CR1L: variants seen among roughly 807,000 people sequenced by gnomAD.
CR1L encodes the protein complement C3b/C4b receptor 1 like, also known as complement component receptor 1-like protein.
CR1L carries 59 observed loss-of-function variants against 62.3 expected under a neutral mutation model. The ratio of observed to expected loss-of-function variants is 0.95; its 90% confidence interval spans 0.77 to 1.18. CR1L has a LOEUF of 1.18. CR1L is among the 50% of genes most tolerant of loss of function. The probability of loss-of-function intolerance (pLI) is 0.00; values close to 1 mark genes in which losing one functional copy is unlikely to be tolerated. For missense variants in CR1L, 700 were observed against 702.8 expected, an observed-to-expected ratio of 1.00 and a Z score of 0.04; for synonymous variants, 279 against 248.7, an observed-to-expected ratio of 1.12 and a Z score of -1.15.
At chr1:207,718,603 A>T (rs921011061) in intron 11 of CR1L, among the ~76,000 whole-genome samples, 13 of 152,068 alleles carry the variant, frequency 8.5e-5, no homozygotes, top group African/African-American at 3.1e-4. Flanking sequence ...TGTATTTTTT[A>T]GTAGAGACAG....
At chr1:207,647,238 G>T (rs1013666929) in intron 1 of CR1L, among the ~76,000 whole-genome samples, 2 of 152,124 alleles carry the variant, frequency 1.3e-5, no homozygotes, top group African/African-American at 4.8e-5. Flanking sequence ...CAAATGACTG[G>T]GGGGAGGGAA....
intron 9 of CR1L, among the ~76,000 whole-genome samples, chr1:207,704,256 G>C (rs1664236310): frequency 6.6e-6 from 1 of 152,188 alleles, no homozygotes; most frequent in African/African-American, 2.4e-5. Flanking sequence ...ACAATTAGAA[G>C]CAGAGCCTAA....
intron 8 of CR1L, among the ~76,000 whole-genome samples, chr1:207,700,707 A>G (rs1259926515): frequency 6.6e-6 from 1 of 151,614 alleles, no homozygotes; most frequent in Non-Finnish European, 1.5e-5. Context: ...TCACCTATTT[A>G]AGATGATTAG....
intron 3 of CR1L, among the ~76,000 whole-genome samples, chr1:207,682,010 AG>A (rs1324958561): frequency 1.5e-5 from 2 of 132,722 alleles, no homozygotes; most frequent in African/African-American, 2.8e-5. Flanking sequence ...GTGGGGGGCT[AG>A]GGGCGGGATA....
chr1:207,668,174 C>G (rs913876961), intron 1 of CR1L, among the ~76,000 whole-genome samples: 1 of 150,934 alleles, frequency 6.6e-6, no homozygotes, highest in African/African-American at 2.5e-5. Flanking sequence ...TGGGTATATA[C>G]CCAAAAGAAA....
chr1:207,697,480 G>C, intron 5 of CR1L, 23 bp from the exon 6 acceptor site: 4 of 1,613,666 alleles, frequency 2.5e-6, no homozygotes, highest in Non-Finnish European at 3.4e-6. Context: ...ACAATTAGCA[G>C]TACTTTGTTT....
Position 207,657,097 on chromosome 1 carries a change from C to A in CR1L, c.97+11767C>A, listed in dbSNP as rs574018758. 4 of 657,624 alleles carry A rather than the reference C, an allele frequency of 6.1e-6. No individual in the cohort carries two copies. The East Asian group carries it at 8.0e-5, about 13-fold the overall frequency. The allele number at this position is 657,624 out of a possible 1,614,324, so 40.7% of individuals were successfully genotyped here. On this transcript the variant is annotated intron_variant, in intron 1 of 11. Transcript: ENST00000508064. ...AATGCTGCCTTAATCTTTTACATTTCTTTCCTCTTTTTCTTCAATTTTAAG... is the reference window on the plus strand; with the variant it reads ...AATGCTGCCTTAATCTTTTACATTTATTTCCTCTTTTTCTTCAATTTTAAG...
chr1:207,648,688 T>A (rs762699281), intron 1 of CR1L, among the ~76,000 whole-genome samples: 7 of 152,208 alleles, frequency 4.6e-5, no homozygotes, highest in Non-Finnish European at 1.0e-4. Context: ...CTCTTCTGCC[T>A]ATTTCAGGTG....
At chr1:207,704,066 GA>G (rs1200132007) in intron 9 of CR1L, among the ~76,000 whole-genome samples, 2 of 152,224 alleles carry the variant, frequency 1.3e-5, no homozygotes. Flanking sequence ...AAAACTGCAG[GA>G]AAGAATTAAT....
chr1:207,705,200 C>T (rs899974998), intron 9 of CR1L, among the ~76,000 whole-genome samples: 4 of 152,314 alleles, frequency 2.6e-5, no homozygotes, highest in Middle Eastern at 3.4e-3. Context: ...AAAGTTTTCT[C>T]TTTTTATAAG....
At chr1:207,689,074 G>A (rs543690461) in intron 4 of CR1L, among the ~76,000 whole-genome samples, 20 of 152,112 alleles carry the variant, frequency 1.3e-4, no homozygotes, top group African/African-American at 4.8e-4. Context: ...GATGATACAA[G>A]CCTTTTAATG....
chr1:207,664,351 T>C (rs374116580), intron 1 of CR1L, among the ~76,000 whole-genome samples: 1 of 152,214 alleles, frequency 6.6e-6, no homozygotes, highest in Non-Finnish European at 1.5e-5. Flanking sequence ...TGTTTATATA[T>C]TTCCTATCTC....
At chr1:207,687,919 A>G (rs1663937391) in intron 4 of CR1L, among the ~76,000 whole-genome samples, 1 of 152,078 alleles carries the variant, frequency 6.6e-6, no homozygotes, top group Non-Finnish European at 1.5e-5. Context: ...AGTAAGTTCT[A>G]CATTTTAATA....
intron 1 of CR1L, among the ~76,000 whole-genome samples, chr1:207,677,140 G>A (rs142146162): frequency 6.6e-6 from 1 of 151,818 alleles, no homozygotes; most frequent in Non-Finnish European, 1.5e-5. Context: ...TGGCCAACAC[G>A]GTGAAACCTT....
At chr1:207,692,484 G>C (rs1357518677) in intron 4 of CR1L, among the ~76,000 whole-genome samples, 4 of 152,150 alleles carry the variant, frequency 2.6e-5, no homozygotes, top group Admixed American at 6.5e-5. Flanking sequence ...CTCTCCATGG[G>C]ACAGCTAGAT....
Position 207,694,666 on chromosome 1 carries a change from G to A in CR1L, c.777G>A (p.Gln259=), listed in dbSNP as rs1664046488. ...SLNEVVEFRC[Q]PGFGMKGPSH... ...ATGAAGTTGTGGAGTTTAGGTGTCA[G>A]CCTGGCTTTGGCATGAAAGGGCCCT... The change falls in exon 5 of 12, where the codon CAG becomes CAA. Residue 259 remains glutamine (Q), a synonymous_variant. Coordinates refer to ENST00000508064, the MANE Select transcript of CR1L (RefSeq NM_175710.2). The A allele has an allele frequency of 6.2e-7, 1 of 1,611,874 alleles. No homozygotes were observed. Among genetic ancestry groups the A allele is most frequent in the Non-Finnish European group, 8.5e-7 (1 of 1,179,722 alleles).
At chr1:207,680,116 A>C (rs1663772611) in intron 3 of CR1L, among the ~76,000 whole-genome samples, 1 of 152,224 alleles carries the variant, frequency 6.6e-6, no homozygotes, top group Non-Finnish European at 1.5e-5. Flanking sequence ...TGGGGTGACC[A>C]TGATGTGTCA....
intron 1 of CR1L, chr1:207,657,247 T>C (rs1663331162): frequency 1.3e-6 from 2 of 1,526,272 alleles, no homozygotes; most frequent in East Asian, 2.3e-5. Flanking sequence ...CAGATCCATT[T>C]TCACTTATTG....
In CR1L at chr1:207,699,117, G is replaced by A. The variant is rs1027153630; in HGVS notation, c.1143-72G>A. ...TCCTCAAAATCCTGAAATTGGGGCT[G>A]GGCCTTAGATTGTGAACTAAGTGTC... On this transcript the variant is annotated intron_variant, in intron 7 of 11. Coordinates refer to ENST00000508064, the MANE Select transcript of CR1L (RefSeq NM_175710.2). The A allele has an allele frequency of 2.5e-6, 4 of 1,596,276 alleles. No homozygotes were observed. The African/African-American group carries it at 4.0e-5, about 16-fold the overall frequency.
Sources: allele counts gnomAD v4.1 joint callset (sites outside exome capture counted in the v4.1 genomes callset), GRCh38; gene constraint gnomAD v4.1.1; transcripts MANE v1.5; gene names NCBI Gene and HGNC (gene_info 2026-07-23, HGNC 2026-07-21).